LINGO2: variants seen among roughly 807,000 people sequenced by gnomAD.
LINGO2 encodes leucine rich repeat and Ig domain containing 2, also known as leucine-rich repeat and immunoglobulin-like domain-containing nogo receptor-interacting protein 2.
LINGO2 carries 14 observed loss-of-function variants against 30.6 expected under a neutral mutation model. The ratio of observed to expected loss-of-function variants is 0.46; its 90% CI spans 0.30 to 0.72. The LOEUF is 0.72. Among genes scored for constraint, LINGO2 ranks in the 30% least tolerant of loss-of-function variants. The pLI, the probability that LINGO2 is intolerant of heterozygous loss-of-function variation, is 0.07. For missense variants in LINGO2, 729 were observed against 751.7 expected, an observed-to-expected ratio of 0.97 and a Z score of 0.35; for synonymous variants, 317 against 288.5, an observed-to-expected ratio of 1.10 and a Z score of -1.00.
chr9:28,919,977 C>T, the LINGO2 span, among the ~76,000 whole-genome samples: 1 of 152,048 alleles, frequency 6.6e-6, no homozygotes. Flanking sequence ...AGTAAAAATA[C>T]TACGACATCA....
Position 28,418,498 on chromosome 9 carries a change from C to T in LINGO2, c.-278-45630G>A, listed in dbSNP as rs377641618. On this transcript the variant is annotated intron_variant, in intron 2 of 5. Transcript: ENST00000379992. ...TTCACCATCTTGGCCAGGCTGGTCTCGAACTCCTGATCTCGTGATCTGCCC... is the reference window on the plus strand; with the variant it reads ...TTCACCATCTTGGCCAGGCTGGTCTTGAACTCCTGATCTCGTGATCTGCCC... Among the ~76,000 whole-genome samples, 421 of 151,882 alleles carry T rather than the reference C, an allele frequency of 2.8e-3. 1 individual carries two copies. The highest frequency in any genetic ancestry group is 7.7e-3 in the African/African-American group (319 of 41,456).
chr9:28,399,546 A>G (rs1156916932), intron 2 of LINGO2, among the ~76,000 whole-genome samples: 2 of 152,216 alleles, frequency 1.3e-5, no homozygotes, highest in Admixed American at 1.3e-4. Context: ...TAATTCATTA[A>G]AGAAGAAATA....
At chr9:29,026,745 A>G in the LINGO2 span, among the ~76,000 whole-genome samples, 1 of 152,058 alleles carries the variant, frequency 6.6e-6, no homozygotes, top group African/African-American at 2.4e-5. Flanking sequence ...TTGTAATCAG[A>G]GGAGATACTT....
chr9:28,546,773 C>T (rs540911233), intron 1 of LINGO2, among the ~76,000 whole-genome samples: 12 of 152,134 alleles, frequency 7.9e-5, no homozygotes, highest in African/African-American at 2.6e-4. Flanking sequence ...CCTTCTGAGA[C>T]CCTTCCAATG....
At chr9:28,257,163 C>T (rs905626363) in intron 4 of LINGO2, among the ~76,000 whole-genome samples, 1 of 151,086 alleles carries the variant, frequency 6.6e-6, no homozygotes, top group Non-Finnish European at 1.5e-5. Context: ...TATCTTTGAA[C>T]AGTTTATTGG....
intron 1 of LINGO2, among the ~76,000 whole-genome samples, chr9:28,479,911 G>GTATATATATATATATATATATATA (rs58972403): frequency 4.0e-5 from 2 of 49,768 alleles, no homozygotes; most frequent in Non-Finnish European, 8.2e-5. Context: ...ATATACGTAG[G>GTATATATATATATATATATATATA]TATATATATA....
At chr9:28,962,934 C>T in the LINGO2 span, among the ~76,000 whole-genome samples, 1 of 151,878 alleles carries the variant, frequency 6.6e-6, no homozygotes, top group Non-Finnish European at 1.5e-5. Flanking sequence ...TCATCCTTTA[C>T]CTTCTCAATA....
intron 4 of LINGO2, among the ~76,000 whole-genome samples, chr9:28,091,116 T>C (rs1826070635): frequency 6.6e-6 from 1 of 152,146 alleles, no homozygotes; most frequent in African/African-American, 2.4e-5. Flanking sequence ...GAAGAATCAA[T>C]ATCATGAAAA....
the LINGO2 span, among the ~76,000 whole-genome samples, chr9:29,122,347 T>A: frequency 6.6e-6 from 1 of 151,936 alleles, no homozygotes; most frequent in Admixed American, 6.6e-5. Context: ...AAAATGCAAA[T>A]CACATTGCGT....
the LINGO2 span, among the ~76,000 whole-genome samples, chr9:28,786,935 T>A: frequency 3.3e-5 from 5 of 152,304 alleles, no homozygotes; most frequent in Middle Eastern, 3.4e-3. Context: ...TTATTTCCCC[T>A]CCTTATTTTG....
At chr9:28,712,799 G>C in the LINGO2 span, among the ~76,000 whole-genome samples, 1 of 151,940 alleles carries the variant, frequency 6.6e-6, no homozygotes, top group Admixed American at 6.6e-5. Flanking sequence ...GCTTAAATAT[G>C]ATTAAGAAAC....
At chr9:28,031,609 G>T (rs1371900211) in intron 4 of LINGO2, among the ~76,000 whole-genome samples, 1 of 152,128 alleles carries the variant, frequency 6.6e-6, no homozygotes, top group Non-Finnish European at 1.5e-5. Flanking sequence ...TTAAAGTGGG[G>T]ACAGTCTGGT....
chr9:29,151,014 T>C, the LINGO2 span, among the ~76,000 whole-genome samples: 7 of 151,854 alleles, frequency 4.6e-5, no homozygotes, highest in Non-Finnish European at 1.0e-4. Flanking sequence ...TCTAGAGAGA[T>C]AGGTCAGGGC....
the LINGO2 span, among the ~76,000 whole-genome samples, chr9:29,180,005 T>G: frequency 2.0e-5 from 3 of 152,206 alleles, no homozygotes; most frequent in African/African-American, 7.2e-5. Flanking sequence ...ACACATTTAT[T>G]TCATGAACTT....
At chr9:28,444,275 T>C (rs1233438893) in intron 2 of LINGO2, among the ~76,000 whole-genome samples, 1 of 151,762 alleles carries the variant, frequency 6.6e-6, no homozygotes, top group Non-Finnish European at 1.5e-5. Context: ...GAGTGAAGAG[T>C]GGTGACCCTT....
chr9:28,100,853 G>A (rs1826394292), intron 4 of LINGO2, among the ~76,000 whole-genome samples: 1 of 152,064 alleles, frequency 6.6e-6, no homozygotes, highest in Non-Finnish European at 1.5e-5. Flanking sequence ...GCGTACGATT[G>A]TGTTTCATCT....
chr9:29,193,520 C>T, the LINGO2 span, among the ~76,000 whole-genome samples: 2 of 152,076 alleles, frequency 1.3e-5, no homozygotes, highest in African/African-American at 4.8e-5. Flanking sequence ...GATTTGTATG[C>T]CTTTGAGGTA....
intron 4 of LINGO2, among the ~76,000 whole-genome samples, chr9:28,051,927 A>G (rs1379727750): frequency 6.6e-6 from 1 of 152,092 alleles, no homozygotes; most frequent in Non-Finnish European, 1.5e-5. Context: ...AACAATAAAA[A>G]ACACAGAATA....
the LINGO2 span, among the ~76,000 whole-genome samples, chr9:28,786,532 T>C: frequency 6.6e-6 from 1 of 152,310 alleles, no homozygotes; most frequent in South Asian, 2.1e-4. Flanking sequence ...AGGAAAAGCA[T>C]CATTTGCCTA....
Sources: allele counts gnomAD v4.1 joint callset (sites outside exome capture counted in the v4.1 genomes callset), GRCh38; gene constraint gnomAD v4.1.1; transcripts MANE v1.5; gene names NCBI Gene and HGNC (gene_info 2026-07-23, HGNC 2026-07-21).